The following PRKG1 variants were observed in gnomAD, a reference collection of about 807,000 sequenced individuals.
The protein encoded by PRKG1 is protein kinase cGMP-dependent 1, also known as cGMP-dependent protein kinase 1.
In PRKG1, 35 loss-of-function variants were observed where a neutral mutation model predicts 88.1. That is an observed-to-expected ratio of 0.40 (90% confidence interval 0.30 to 0.53). The LOEUF (loss-of-function observed/expected upper bound fraction) is 0.53. Among genes scored for constraint, PRKG1 ranks in the 20% least tolerant of loss-of-function variants. The pLI is 0.59. For missense variants in PRKG1, 540 were observed against 839.8 expected, an observed-to-expected ratio of 0.64 and a Z score of 4.41; for synonymous variants, 303 against 292.5, an observed-to-expected ratio of 1.04 and a Z score of -0.37.
intron 2 of PRKG1, among the ~76,000 whole-genome samples, chr10:51,177,817 A>G (rs894857282): frequency 1.3e-5 from 2 of 152,124 alleles, no homozygotes; most frequent in East Asian, 3.9e-4. Flanking sequence ...TAGTATCAAT[A>G]TGATTACATT....
chr10:51,894,442 T>C (rs969848012), intron 4 of PRKG1, among the ~76,000 whole-genome samples: 2 of 152,182 alleles, frequency 1.3e-5, no homozygotes, highest in African/African-American at 4.8e-5. Flanking sequence ...CAGCTGGTAA[T>C]GTTGAAAAAG....
chr10:51,068,382 C>T (rs1210692942), intron 1 of PRKG1: 1 of 152,008 alleles, frequency 6.6e-6, no homozygotes, highest in Non-Finnish European at 1.5e-5. Flanking sequence ...AATTTCTTGA[C>T]ATCTTTCTCT....
upstream of PRKG1, among the ~76,000 whole-genome samples, chr10:51,073,713 A>G (rs1426647089): frequency 6.6e-6 from 1 of 152,164 alleles, no homozygotes; most frequent in African/African-American, 2.4e-5. Context: ...GGGTGCTAAA[A>G]TCGGAAACCC....
chr10:51,274,409 A>G (rs1840061558), intron 2 of PRKG1, among the ~76,000 whole-genome samples: 1 of 152,206 alleles, frequency 6.6e-6, no homozygotes. Flanking sequence ...GCACACTAAA[A>G]AATTGCCCTG....
chr10:51,976,017 T>A (rs932669878), intron 5 of PRKG1, among the ~76,000 whole-genome samples: 5 of 152,026 alleles, frequency 3.3e-5, no homozygotes, highest in African/African-American at 1.2e-4. Flanking sequence ...TCAAAAGGTC[T>A]TAAACATCAT....
intron 2 of PRKG1, among the ~76,000 whole-genome samples, chr10:51,302,141 G>A (rs563263114): frequency 7.2e-5 from 11 of 152,230 alleles, no homozygotes; most frequent in East Asian, 1.9e-4. Flanking sequence ...AATACACTCC[G>A]CCATTAGCAC....
chr10:51,512,971 T>A (rs1170274656), intron 3 of PRKG1, among the ~76,000 whole-genome samples: 157 of 143,634 alleles, frequency 1.1e-3, no homozygotes, highest in Admixed American at 1.9e-3. Flanking sequence ...TTTCATGTAT[T>A]TTTTGGCTGC....
chr10:51,951,589 C>A (rs960403647), intron 5 of PRKG1, among the ~76,000 whole-genome samples: 13 of 151,900 alleles, frequency 8.6e-5, no homozygotes, highest in Non-Finnish European at 1.0e-4. Context: ...CCTTATGGTA[C>A]TATTCACAGA....
intron 3 of PRKG1, among the ~76,000 whole-genome samples, chr10:51,732,313 G>T (rs1837134038): frequency 6.6e-6 from 1 of 152,046 alleles, no homozygotes. Context: ...CTCTTCACAG[G>T]CCCTGTCTCC....
At chr10:51,035,227 T>C (rs1843338699) in intron 1 of PRKG1, among the ~76,000 whole-genome samples, 1 of 152,174 alleles carries the variant, frequency 6.6e-6, no homozygotes, top group Non-Finnish European at 1.5e-5. Context: ...ACAGGAATAA[T>C]AATGCTGTTT....
intron 2 of PRKG1, among the ~76,000 whole-genome samples, chr10:51,440,798 C>T (rs183972724): frequency 6.6e-6 from 1 of 151,988 alleles, no homozygotes; most frequent in African/African-American, 2.4e-5. Context: ...GGAGAAACTT[C>T]TCCAGGAAAG....
chr10:51,245,158 A>G lies in PRKG1; in HGVS notation c.478+91828A>G, dbSNP rs1839257058. 3 of 152,132 alleles carry G rather than the reference A, an allele frequency of 2.0e-5. No homozygotes were observed. In the South Asian group the frequency reaches 6.2e-4, roughly 31 times the overall value. 9.4% of individuals were successfully genotyped at this position (152,132 alleles called of 1,614,324 possible). A position where few individuals can be genotyped will look rare whatever the true frequency, so the allele number is the denominator to read the frequency against. The stretch of plus-strand genomic sequence containing the variant: ...CTCCTATTGAAAAGAACTTAAGGAT[A>G]TAAGACAGCCCATAAGACATCACAC... On this transcript the variant is annotated intron_variant, in intron 2 of 17. Transcript: ENST00000373980.
intron 3 of PRKG1, among the ~76,000 whole-genome samples, chr10:51,738,798 T>A (rs962293762): frequency 6.6e-6 from 1 of 152,222 alleles, no homozygotes; most frequent in African/African-American, 2.4e-5. Context: ...AAAATTCTAT[T>A]CTAATGTGAT....
At chr10:51,724,029 T>A (rs1842073882) in intron 3 of PRKG1, among the ~76,000 whole-genome samples, 1 of 152,068 alleles carries the variant, frequency 6.6e-6, no homozygotes, top group Non-Finnish European at 1.5e-5. Context: ...TACGGGTGTG[T>A]CGATGTGGAG....
In PRKG1 at chr10:51,248,964, G is replaced by A. The variant is rs74334842; in HGVS notation, c.478+95634G>A. The stretch of plus-strand genomic sequence containing the variant: ...TTGGTGATTGAGTAATCAAGACCCC[G>A]GTCAGATTACAGACAAAATTAAGTA... On this transcript the variant is annotated intron_variant, in intron 2 of 17. Transcript: ENST00000373980. Among the ~76,000 whole-genome samples the A allele has an allele frequency of 1.6e-3, 247 of 151,790 alleles. 1 individual carries two copies. Among genetic ancestry groups the A allele is most frequent in the African/African-American group, 5.6e-3 (233 of 41,498 alleles).
intron 2 of PRKG1, among the ~76,000 whole-genome samples, chr10:51,192,550 A>G (rs966270179): frequency 6.6e-6 from 1 of 151,990 alleles, no homozygotes; most frequent in African/African-American, 2.4e-5. Context: ...AAGATTAGAA[A>G]TGTTACTGGG....
chr10:52,023,260 G>T (rs1179429003), intron 5 of PRKG1, among the ~76,000 whole-genome samples: 1 of 152,096 alleles, frequency 6.6e-6, no homozygotes, highest in African/African-American at 2.4e-5. Flanking sequence ...CTTTTTTATG[G>T]CTGCATAGTA....
intron 2 of PRKG1, among the ~76,000 whole-genome samples, chr10:51,163,832 G>T (rs1347882315): frequency 6.6e-6 from 1 of 152,206 alleles, no homozygotes; most frequent in African/African-American, 2.4e-5. Flanking sequence ...AGGCCGCAGC[G>T]AGGCTGGGGG....
chr10:51,807,487 A>G (rs1032033750), intron 4 of PRKG1, among the ~76,000 whole-genome samples: 4 of 152,342 alleles, frequency 2.6e-5, no homozygotes, highest in Non-Finnish European at 4.4e-5. Context: ...GATTAAGATG[A>G]CACAGGAGCC....
Sources: allele counts gnomAD v4.1 joint callset (sites outside exome capture counted in the v4.1 genomes callset), GRCh38; gene constraint gnomAD v4.1.1; transcripts MANE v1.5; gene names NCBI Gene and HGNC (gene_info 2026-07-23, HGNC 2026-07-21).